ABCC9: variants seen among roughly 807,000 people sequenced by gnomAD.
The protein encoded by ABCC9 is ATP-binding cassette sub-family C member 9.
ABCC9 carries 95 observed loss-of-function variants against 188.3 expected under a neutral mutation model. The ratio of observed to expected loss-of-function variants is 0.50; its 90% CI spans 0.43 to 0.60. ABCC9 has a LOEUF of 0.60. ABCC9 is among the 20% of genes least tolerant of loss of function. The pLI is 0.00. For missense variants in ABCC9, 1,102 were observed against 1,876.3 expected (o/e 0.59, Z 7.62); for synonymous variants, 659 against 652.7 (o/e 1.01, Z -0.15).
Position 21,915,514 on chromosome 12 carries a change from A to ATATATATATATATTTTTTT in ABCC9, c.816+153_816+154insAAAAAAATATATATATATA. On this transcript the variant is annotated intron_variant, in intron 7 of 39. Transcript: ENST00000261200. ...TGTGTGTGTGTGTATATATATATAT[A>ATATATATATATATTTTTTT]TTTTTTTTTTTTTTTTGAGACAGAG... is the stretch of plus-strand genomic sequence containing the variant. Among the ~76,000 whole-genome samples the ATATATATATATATTTTTTT allele has an allele frequency of 1.1e-3, 4 of 3,522 alleles. 1 individual carries two copies. Among genetic ancestry groups the ATATATATATATATTTTTTT allele is most frequent in the African/African-American group, 4.3e-3 (4 of 924 alleles). 2.3% of individuals were successfully genotyped at this position (3,522 alleles called of 152,430 possible). A position where few individuals can be genotyped will look rare whatever the true frequency, so the allele number is the denominator to read the frequency against.
At chr12:21,862,582 T>G (rs1945574691) in intron 20 of ABCC9, among the ~76,000 whole-genome samples, 1 of 69,956 alleles carries the variant, frequency 1.4e-5, no homozygotes, top group South Asian at 4.5e-4. Context: ...GGTCCTATAT[T>G]CTTCTTCTTT....
In ABCC9 at chr12:21,913,012, T is replaced by G. The variant is rs1317972448; in HGVS notation, c.871A>C (p.Arg291=). ...AGTAGAATTGGTCGCCCAAAAGCTCTGTACATTGCAAGCCATATAGATGGA... is the reference window on the plus strand; with the variant it reads ...AGTAGAATTGGTCGCCCAAAAGCTCGGTACATTGCAAGCCATATAGATGGA... ...RTPSIWLAMY[R]AFGRPILLSS... The change falls in exon 8 of 40, where the codon AGA becomes CGA. Residue 291 remains arginine, a synonymous_variant. Transcript: ENST00000261200. 3 of 1,612,444 alleles carry G rather than the reference T, an allele frequency of 1.9e-6. No individual in the cohort carries two copies. Among genetic ancestry groups the G allele is most frequent in the African/African-American group, 2.7e-5 (2 of 74,722 alleles).
At chr12:21,850,920 G>C (rs897147309) in intron 24 of ABCC9, among the ~76,000 whole-genome samples, 1 of 151,890 alleles carries the variant, frequency 6.6e-6, no homozygotes, top group Non-Finnish European at 1.5e-5. Flanking sequence ...CAATGGTTCT[G>C]TGATTTGTCC....
At chr12:21,826,943 T>A (rs1245813800) in intron 31 of ABCC9, among the ~76,000 whole-genome samples, 1 of 152,198 alleles carries the variant, frequency 6.6e-6, no homozygotes, top group African/African-American at 2.4e-5. Flanking sequence ...AGGATTCTAA[T>A]ACACAGAAAG....
At chr12:21,810,053 A>G in intron 36 of ABCC9, 98 bp from the exon 37 acceptor site, 2 of 815,000 alleles carry the variant, frequency 2.5e-6, no homozygotes, top group Admixed American at 1.9e-5. Flanking sequence ...TGTAAGTTCC[A>G]TTTGTTTTGG....
At chr12:21,900,858 G>A (rs1014205803) in intron 12 of ABCC9, among the ~76,000 whole-genome samples, 3 of 152,208 alleles carry the variant, frequency 2.0e-5, no homozygotes, top group African/African-American at 4.8e-5. Flanking sequence ...AGGGAGAATG[G>A]AACCAAGCTA....
At chr12:21,904,234 G>A (rs1460804913) in intron 12 of ABCC9, among the ~76,000 whole-genome samples, 1 of 152,130 alleles carries the variant, frequency 6.6e-6, no homozygotes, top group Non-Finnish European at 1.5e-5. Flanking sequence ...TATGTAGAAA[G>A]CTGAAACTGG....
rs572936817 is a variant in ABCC9, at chr12:21,877,877, G to A, written c.2020-2151C>T. ...TGTGGCCATGCTGGCCTATATCATT[G>A]TGTCACCTTCTCCATAGCACTCAGC... On this transcript the variant is annotated intron_variant, in intron 16 of 39. Transcript: ENST00000261200. 1.3e-4 allele frequency among the ~76,000 whole-genome samples: 20 copies of A among 152,294 alleles called. No homozygotes were observed. In the East Asian group the frequency reaches 2.5e-3, roughly 19 times the overall value.
intron 2 of ABCC9, among the ~76,000 whole-genome samples, chr12:21,937,503 T>C (rs768872899): frequency 6.6e-6 from 1 of 152,126 alleles, no homozygotes; most frequent in South Asian, 2.1e-4. Flanking sequence ...AGTGGGCCAC[T>C]GGGGATTCCG....
rs1475136050 is a variant in ABCC9 at position 21,887,866 on chromosome 12, C to CT, written c.1870dup (p.Ser624LysfsTer6). The CT allele has an allele frequency of 6.2e-7, 1 of 1,613,532 alleles. No individual in the cohort carries two copies. Among genetic ancestry groups the CT allele is most frequent in the Non-Finnish European group, 8.5e-7 (1 of 1,179,578 alleles). ...CTTACAGGACTCAAAAGGAAGCGAA[C>CT]TTTCACCAGTTCGCCAACTGTCGTC... is the stretch of plus-strand genomic sequence containing the variant. On this transcript the variant is annotated frameshift_variant, in exon 15 of 40. Transcript: ENST00000261200. LOFTEE classifies it high-confidence loss of function.
chr12:21,842,133 G>T (rs748231349), intron 29 of ABCC9, among the ~76,000 whole-genome samples, 181 bp downstream of exon 29: 2 of 152,104 alleles, frequency 1.3e-5, no homozygotes, highest in Admixed American at 1.3e-4. Context: ...ATCACACATC[G>T]CTTCATCAGT....
intron 30 of ABCC9, among the ~76,000 whole-genome samples, chr12:21,834,831 C>T (rs1039620150): frequency 9.1e-5 from 11 of 121,546 alleles, no homozygotes; most frequent in East Asian, 2.4e-4. Context: ...ACACACAGTG[C>T]GCACATGAGG....
intron 30 of ABCC9, among the ~76,000 whole-genome samples, chr12:21,837,779 AT>A (rs34811342): frequency 0.55 from 84,269 of 151,866 alleles, 23,784 homozygotes; most frequent in Admixed American, 0.64. Context: ...AGCAAAATTG[AT>A]TTTCTCCATT....
intron 18 of ABCC9, among the ~76,000 whole-genome samples, chr12:21,868,735 ATTGTTTTGGT>A (rs1400825547): frequency 5.9e-5 from 9 of 152,140 alleles, no homozygotes; most frequent in African/African-American, 1.9e-4. Flanking sequence ...CATTTAGTTT[ATTGTTTTGGT>A]TTGTTTTGAG....
At chr12:21,890,896 A>G (rs1358728519) in intron 14 of ABCC9, among the ~76,000 whole-genome samples, 1 of 152,050 alleles carries the variant, frequency 6.6e-6, no homozygotes, top group Non-Finnish European at 1.5e-5. Flanking sequence ...GGTGCAGCAC[A>G]CCAACATGGC....
intron 12 of ABCC9, among the ~76,000 whole-genome samples, chr12:21,900,393 A>C (rs554032721): frequency 6.6e-6 from 1 of 152,302 alleles, no homozygotes; most frequent in African/African-American, 2.4e-5. Flanking sequence ...AATTCTAAAA[A>C]TCAGAGCACC....
chr12:21,904,065 TG>T (rs1195356855), intron 12 of ABCC9, among the ~76,000 whole-genome samples: 1 of 152,226 alleles, frequency 6.6e-6, no homozygotes, highest in African/African-American at 2.4e-5. Flanking sequence ...AGCATGGTAC[TG>T]GTACCAAAAC....
intron 14 of ABCC9, among the ~76,000 whole-genome samples, chr12:21,889,271 T>C (rs927226020): frequency 6.6e-5 from 10 of 152,170 alleles, no homozygotes; most frequent in Admixed American, 2.6e-4. Context: ...TCATACACTT[T>C]CTTTGAGTCT....
At chr12:21,832,270 A>G (rs1052222822) in intron 30 of ABCC9, among the ~76,000 whole-genome samples, 2 of 152,226 alleles carry the variant, frequency 1.3e-5, no homozygotes, top group Non-Finnish European at 2.9e-5. Flanking sequence ...TCATGTGAGT[A>G]CACCACGAAC....
Sources: gnomAD v4.1 joint callset for allele counts (sites outside exome capture counted in the v4.1 genomes callset) on GRCh38, gnomAD v4.1.1 for gene constraint, MANE v1.5 for transcripts, NCBI Gene and HGNC (gene_info 2026-07-23, HGNC 2026-07-21) for gene names.